Variants in ZNF365 observed in about 807,000 individuals in gnomAD.
The protein encoded by ZNF365 is zinc finger protein 365.
Under a neutral mutation model 35.0 loss-of-function variants are expected in ZNF365, and 22 were observed. The observed-to-expected ratio is 0.63, with a 90% CI of 0.45 to 0.90. ZNF365 has a LOEUF of 0.90. Among genes scored for constraint, ZNF365 ranks in the 40% least tolerant of loss-of-function variants. The pLI, the probability that ZNF365 is intolerant of heterozygous loss-of-function variation, is 0.00. For missense variants in ZNF365, 448 were observed against 500.3 expected (o/e 0.90, Z 1.00); for synonymous variants, 188 against 196.2 (o/e 0.96, Z 0.35).
intron 4 of ZNF365, chr10:62,459,818 G>C (rs778758443): frequency 3.8e-6 from 6 of 1,596,814 alleles, no homozygotes; most frequent in Non-Finnish European, 4.3e-6. Context: ...CACCTGGGTG[G>C]GTGGGTTGGG....
intron 3 of ZNF365, among the ~76,000 whole-genome samples, chr10:62,448,336 G>C (rs963054756): frequency 8.5e-5 from 13 of 152,128 alleles, no homozygotes; most frequent in African/African-American, 3.1e-4. Context: ...AGGAATGTGA[G>C]GCTCAAAAAT....
At chr10:62,378,830 A>G (rs1839379141) in intron 2 of ZNF365, among the ~76,000 whole-genome samples, 1 of 152,302 alleles carries the variant, frequency 6.6e-6, no homozygotes, top group Admixed American at 6.5e-5. Flanking sequence ...TAAGTACAGA[A>G]CTATACTACT....
intron 3 of ZNF365, among the ~76,000 whole-genome samples, chr10:62,418,608 T>TA (rs34217173): frequency 2.0e-5 from 3 of 151,650 alleles, no homozygotes; most frequent in East Asian, 1.9e-4. Flanking sequence ...ATTTTCGTAA[T>TA]AAAAAAAATC....
At chr10:62,472,043 G>A (rs1351602740) in intron 4 of ZNF365, among the ~76,000 whole-genome samples, 1 of 152,222 alleles carries the variant, frequency 6.6e-6, no homozygotes, top group African/African-American at 2.4e-5. Context: ...GGAGAAGTGA[G>A]CCAGAGCTGG....
intron 3 of ZNF365, among the ~76,000 whole-genome samples, chr10:62,457,313 T>A (rs1053328664): frequency 6.6e-6 from 1 of 152,238 alleles, no homozygotes; most frequent in Non-Finnish European, 1.5e-5. Flanking sequence ...CAGAGAATAT[T>A]TCTGCACAAT....
At chr10:62,391,640 G>A (rs577462243) in intron 3 of ZNF365, among the ~76,000 whole-genome samples, 5 of 152,242 alleles carry the variant, frequency 3.3e-5, no homozygotes, top group East Asian at 1.9e-4. Flanking sequence ...TTATCCACTC[G>A]TTGATTAATG....
chr10:62,464,035 CA>C (rs1226623289), intron 4 of ZNF365, among the ~76,000 whole-genome samples: 3 of 152,142 alleles, frequency 2.0e-5, no homozygotes, highest in East Asian at 3.9e-4. Context: ...CTTTCAACTC[CA>C]ATAGGCCTAA....
intron 3 of ZNF365, among the ~76,000 whole-genome samples, chr10:62,419,422 C>A: frequency 6.6e-6 from 1 of 150,450 alleles, no homozygotes; most frequent in African/African-American, 2.5e-5. Flanking sequence ...GGACAGCTAT[C>A]TAGAAGACTT....
At chr10:62,377,135 AT>A (rs1361548751) in intron 2 of ZNF365, among the ~76,000 whole-genome samples, 199 bp downstream of exon 2, 1 of 152,268 alleles carries the variant, frequency 6.6e-6, no homozygotes, top group African/African-American at 2.4e-5. Context: ...ACCTAGCAGC[AT>A]TAAAGTCAAA....
At chr10:62,383,810 T>C (rs990861018) in intron 2 of ZNF365, among the ~76,000 whole-genome samples, 15 of 152,198 alleles carry the variant, frequency 9.9e-5, no homozygotes, top group African/African-American at 3.6e-4. Context: ...ATATTATCTA[T>C]TTTTCAGACC....
At chr10:62,470,548 GGATA>G (rs1841016965) in intron 4 of ZNF365, among the ~76,000 whole-genome samples, 1 of 152,120 alleles carries the variant, frequency 6.6e-6, no homozygotes, top group South Asian at 2.1e-4. Context: ...CTTTCTTTCT[GGATA>G]AATTTAGGTT....
chr10:62,379,337 T>G (rs1448948509), intron 2 of ZNF365, among the ~76,000 whole-genome samples: 1 of 152,202 alleles, frequency 6.6e-6, no homozygotes, highest in Non-Finnish European at 1.5e-5. Context: ...AGGTGATTTT[T>G]GTATGTCATT....
chr10:62,454,056 T>G (rs544617072), intron 3 of ZNF365, among the ~76,000 whole-genome samples: 4 of 152,306 alleles, frequency 2.6e-5, no homozygotes, highest in African/African-American at 9.6e-5. Flanking sequence ...TTTTTCATTT[T>G]TTCCTTTTTA....
At chr10:62,398,028 A>G (rs1839760443) in intron 3 of ZNF365, among the ~76,000 whole-genome samples, 1 of 152,180 alleles carries the variant, frequency 6.6e-6, no homozygotes, top group African/African-American at 2.4e-5. Context: ...GTTGTCTTTT[A>G]TCCGTCACCC....
At chr10:62,405,332 A>G (rs1256385496), downstream of ZNF365, among the ~76,000 whole-genome samples, 1 of 152,166 alleles carries the variant, frequency 6.6e-6, no homozygotes, top group Non-Finnish European at 1.5e-5. Flanking sequence ...TCTTATGAAT[A>G]TACTTAAGAA....
intron 2 of ZNF365, among the ~76,000 whole-genome samples, chr10:62,379,198 A>G (rs6479809): frequency 0.4 from 60,417 of 151,472 alleles, 12,647 homozygotes; most frequent in African/African-American, 0.51. Context: ...ATTTTTTTGT[A>G]TTTTTAGTAG....
At position 62,376,499 on chromosome 10, in the gene ZNF365, C is replaced by T; in HGVS notation, c.306C>T (p.Tyr102=). The change falls in exon 2 of 5, where the codon TAC becomes TAT. Residue 102 remains tyrosine, a synonymous_variant. Transcript: ENST00000395254. ...VKQKPSYVNL[Y]SISHEHSKDR... ...AGAAACCGAGCTATGTTAACTTGTA[C>T]AGCATTTCACATGAACATTCCAAGG... 1.2e-6 allele frequency: 2 copies of T among 1,614,112 alleles called. No individual in the cohort carries two copies. The highest frequency in any genetic ancestry group is 2.2e-5 in the East Asian group (1 of 44,882).
chr10:62,471,964 T>A (rs1841046846), intron 4 of ZNF365, among the ~76,000 whole-genome samples: 2 of 152,220 alleles, frequency 1.3e-5, no homozygotes, highest in Admixed American at 1.3e-4. Flanking sequence ...ATCAGTAGCA[T>A]AAGAATGGAA....
Position 62,376,929 on chromosome 10 carries a change from A to G in ZNF365, c.736A>G (p.Lys246Glu). 1 of 1,604,090 alleles carries G rather than the reference A, an allele frequency of 6.2e-7. No individual in the cohort carries two copies. The highest frequency in any genetic ancestry group is 8.5e-7 in the Non-Finnish European group (1 of 1,176,260). The change falls in exon 2 of 5, where the codon AAA becomes GAA. Residue 246 changes from lysine to glutamate, a missense_variant. Lys to Glu is a moderately conservative substitution (Grantham distance 56, BLOSUM62 1). Coordinates refer to ENST00000395254, the MANE Select transcript of ZNF365 (RefSeq NM_014951.3). ...LTESEEELLR[K>E]EEEVVTFNHF... The stretch of plus-strand genomic sequence containing the variant: ...GGAATCTGAGGAGGAGCTTCTTAGG[A>G]AAGAAGAGTAAGTGTTGCTGACAGG...
Sources: gnomAD v4.1 joint callset for allele counts (sites outside exome capture counted in the v4.1 genomes callset) on GRCh38, gnomAD v4.1.1 for gene constraint, MANE v1.5 for transcripts, NCBI Gene and HGNC (gene_info 2026-07-23, HGNC 2026-07-21) for gene names.